GMDS: variants seen among roughly 807,000 people sequenced by gnomAD.
GMDS encodes GDP-mannose 4,6 dehydratase.
Under a neutral mutation model 49.9 loss-of-function variants are expected in GMDS, and 20 were observed. The observed-to-expected ratio is 0.40, with a 90% CI of 0.28 to 0.58. The LOEUF is 0.58. GMDS is among the 20% of genes least tolerant of loss of function. GMDS has a pLI of 0.42. For synonymous variants in GMDS, 177 were observed against 178.6 expected (o/e 0.99, Z 0.07); for missense variants, 362 against 481.4 (o/e 0.75, Z 2.32).
rs574975066 is a variant in GMDS, at chr6:1,923,326, C to T, written c.771+6777G>A. ...AGCTGTCACACTGGCCCTTTGCCTTCGCTGGCAGAGGGCAGCTGCTCCACG... is the reference window on the plus strand; with the variant it reads ...AGCTGTCACACTGGCCCTTTGCCTTTGCTGGCAGAGGGCAGCTGCTCCACG... On this transcript the variant is annotated intron_variant, in intron 7 of 10. Coordinates refer to ENST00000380815, the MANE Select transcript of GMDS (RefSeq NM_001500.4). 1.3e-4 allele frequency among the ~76,000 whole-genome samples: 20 copies of T among 152,320 alleles called. 1 individual carries two copies. The highest frequency in any genetic ancestry group is 6.2e-4 in the South Asian group (3 of 4,828).
intron 4 of GMDS, among the ~76,000 whole-genome samples, chr6:2,076,347 T>C (rs537799881): frequency 2.0e-5 from 3 of 152,232 alleles, no homozygotes; most frequent in South Asian, 4.1e-4. Flanking sequence ...AGGTAATTTA[T>C]AGATTCAATG....
rs1561646850 is a variant in GMDS, at chr6:2,194,038, T to TA, written c.102+51282_102+51283insT. Among the ~76,000 whole-genome samples, 641 of 150,782 alleles carry TA rather than the reference T, an allele frequency of 4.3e-3. 6 individuals carry two copies. Among genetic ancestry groups the TA allele is most frequent in the African/African-American group, 0.015 (587 of 40,326 alleles). On this transcript the variant is annotated intron_variant, in intron 1 of 10. Transcript: ENST00000380815. Reference sequence around the variant, plus strand: ...GTCCAGCCAAAAATGCTATTTTTTTTTAAAAAAAAAGAAGCATTATAAATA... The same window carrying TA: ...GTCCAGCCAAAAATGCTATTTTTTTTATAAAAAAAAAGAAGCATTATAAATA...
chr6:2,157,559 A>G (rs769852754), intron 1 of GMDS, among the ~76,000 whole-genome samples: 12 of 152,288 alleles, frequency 7.9e-5, no homozygotes, highest in Non-Finnish European at 1.6e-4. Context: ...ATGTTGCCTT[A>G]ACCAGACCAG....
rs576155948 is a variant in GMDS, at chr6:1,629,770, C to T, written c.988-5230G>A. 4.4e-4 allele frequency among the ~76,000 whole-genome samples: 67 copies of T among 152,250 alleles called. 1 individual carries two copies. Among genetic ancestry groups the T allele is most frequent in the African/African-American group, 1.4e-3 (58 of 41,568 alleles). ...TTTAAAATCCTCTGACCACCCCTCT[C>T]GCCGATCCCACTTTTCTGATGGGAT... On this transcript the variant is annotated intron_variant, in intron 9 of 10. Transcript: ENST00000380815.
chr6:1,781,028 C>A (rs1769059910), intron 7 of GMDS, among the ~76,000 whole-genome samples: 1 of 152,080 alleles, frequency 6.6e-6, no homozygotes, highest in African/African-American at 2.4e-5. Flanking sequence ...CGACAAAAAC[C>A]AATCTGTGTT....
chr6:1,688,918 C>G (rs1474500406), intron 9 of GMDS, among the ~76,000 whole-genome samples: 1 of 152,154 alleles, frequency 6.6e-6, no homozygotes, highest in Admixed American at 6.5e-5. Context: ...CAACATCAGC[C>G]ATTTTCCCTA....
chr6:2,149,731 C>T (rs936519156), intron 1 of GMDS, among the ~76,000 whole-genome samples: 1 of 152,176 alleles, frequency 6.6e-6, no homozygotes, highest in Non-Finnish European at 1.5e-5. Context: ...TTCTACAACA[C>T]GCCTCCAGCT....
chr6:1,786,799 G>T (rs865959668), intron 7 of GMDS, among the ~76,000 whole-genome samples: 33 of 149,476 alleles, frequency 2.2e-4, no homozygotes, highest in East Asian at 1.4e-3. Flanking sequence ...GTAATTTGTG[G>T]TTTTTTTTTT....
intron 4 of GMDS, among the ~76,000 whole-genome samples, chr6:2,068,989 A>G (rs1183461994): frequency 6.6e-6 from 1 of 152,238 alleles, no homozygotes; most frequent in African/African-American, 2.4e-5. Flanking sequence ...ACAAAGCTGG[A>G]GGCATCACAC....
At chr6:1,839,110 C>T (rs1195059102) in intron 7 of GMDS, among the ~76,000 whole-genome samples, 1 of 151,816 alleles carries the variant, frequency 6.6e-6, no homozygotes, top group East Asian at 1.9e-4. Context: ...GGCTACAGCA[C>T]TGGTTGGTAA....
intron 1 of GMDS, among the ~76,000 whole-genome samples, chr6:2,244,173 T>C (rs544455747): frequency 1.6e-3 from 248 of 152,200 alleles, no homozygotes; most frequent in African/African-American, 5.4e-3. Flanking sequence ...TCCTGCCCAC[T>C]TAGCCCTTTC....
intron 7 of GMDS, among the ~76,000 whole-genome samples, chr6:1,928,345 C>G (rs1219875976): frequency 3.4e-5 from 5 of 146,458 alleles, no homozygotes; most frequent in Non-Finnish European, 7.5e-5. Flanking sequence ...AGACTGGCAA[C>G]AGAGCGAGAC....
chr6:2,176,247 G>GA (rs1778279241), intron 1 of GMDS, among the ~76,000 whole-genome samples: 1 of 151,948 alleles, frequency 6.6e-6, no homozygotes, highest in Non-Finnish European at 1.5e-5. Context: ...AAATGGTTTA[G>GA]AAAAACCCAT....
chr6:1,834,467 T>C (rs1393567825), intron 7 of GMDS, among the ~76,000 whole-genome samples: 1 of 152,146 alleles, frequency 6.6e-6, no homozygotes, highest in African/African-American at 2.4e-5. Flanking sequence ...GCGCTTGACA[T>C]CTATGGGGAG....
At chr6:1,754,357 G>A (rs1337339864) in intron 7 of GMDS, among the ~76,000 whole-genome samples, 1 of 152,132 alleles carries the variant, frequency 6.6e-6, no homozygotes, top group African/African-American at 2.4e-5. Flanking sequence ...TCCCTGAATA[G>A]ACCAATAACA....
chr6:2,200,012 A>C (rs1308726750), intron 1 of GMDS, among the ~76,000 whole-genome samples: 1 of 152,244 alleles, frequency 6.6e-6, no homozygotes, highest in Non-Finnish European at 1.5e-5. Context: ...TATACATATG[A>C]ACACTGTGAT....
intron 7 of GMDS, among the ~76,000 whole-genome samples, chr6:1,773,673 G>C (rs369616274): frequency 6.6e-6 from 1 of 152,216 alleles, no homozygotes; most frequent in African/African-American, 2.4e-5. Flanking sequence ...TCCTTGGGGA[G>C]TGTCTGACAC....
intron 9 of GMDS, among the ~76,000 whole-genome samples, chr6:1,724,845 C>CA (rs1766516945): frequency 6.6e-6 from 1 of 152,222 alleles, no homozygotes; most frequent in South Asian, 2.1e-4. Context: ...GCACCGGGAA[C>CA]AATGGTTCAC....
intron 7 of GMDS, among the ~76,000 whole-genome samples, chr6:1,900,188 G>T (rs923193884): frequency 4.6e-5 from 7 of 152,310 alleles, no homozygotes; most frequent in Admixed American, 1.3e-4. Context: ...ATTGGACGGG[G>T]AGAAACTAGG....
Sources: allele counts gnomAD v4.1 joint callset (sites outside exome capture counted in the v4.1 genomes callset), GRCh38; gene constraint gnomAD v4.1.1; transcripts MANE v1.5; gene names NCBI Gene and HGNC (gene_info 2026-07-23, HGNC 2026-07-21).